KLHL24: variants seen among roughly 807,000 people sequenced by gnomAD.
The protein encoded by KLHL24 is kelch-like protein 24.
Under a neutral mutation model 53.4 loss-of-function variants are expected in KLHL24, and 29 were observed. The ratio of observed to expected loss-of-function variants is 0.54; its 90% CI spans 0.40 to 0.74. KLHL24 has a LOEUF of 0.74. KLHL24 is among the 30% of genes least tolerant of loss of function. The pLI is 0.00. For missense variants in KLHL24, 504 were observed against 744.0 expected (o/e 0.68, Z 3.75); for synonymous variants, 222 against 253.7 (o/e 0.88, Z 1.19).
At chr3:183,672,662 C>G (rs1721490237) in intron 7 of KLHL24, 178 bp downstream of exon 7, 2 of 378,024 alleles carry the variant, frequency 5.3e-6, no homozygotes, top group South Asian at 5.5e-5. Context: ...GTCAGGAGTT[C>G]AAGACCAGCC....
chr3:183,667,057 C>T (rs1302470647), intron 5 of KLHL24, among the ~76,000 whole-genome samples: 1 of 152,144 alleles, frequency 6.6e-6, no homozygotes, highest in Non-Finnish European at 1.5e-5. Flanking sequence ...GAAATGGTGA[C>T]CAGGAACCCT....
At chr3:183,642,020 C>T (rs1716524170) in intron 1 of KLHL24, among the ~76,000 whole-genome samples, 1 of 152,172 alleles carries the variant, frequency 6.6e-6, no homozygotes, top group South Asian at 2.1e-4. Flanking sequence ...GGCTCTATTC[C>T]AGTCTGCACC....
At chr3:183,653,006 C>T (rs1443949359) in intron 3 of KLHL24, among the ~76,000 whole-genome samples, 1 of 152,144 alleles carries the variant, frequency 6.6e-6, no homozygotes, top group African/African-American at 2.4e-5. Context: ...AATCAGATTG[C>T]AGCCTAAGGG....
rs1355950804 is a variant in KLHL24 at position 183,680,420 on chromosome 3, A to G, written c.*1134A>G. 1 of 152,218 alleles carries G rather than the reference A, an allele frequency of 6.6e-6. No individual in the cohort carries two copies. Among genetic ancestry groups the G allele is most frequent in the South Asian group, 2.1e-4 (1 of 4,834 alleles). The allele number at this position is 152,218 out of a possible 1,614,324, so 9.4% of individuals were successfully genotyped here. On this transcript the variant is annotated 3_prime_UTR_variant, in exon 8 of 8. Transcript: ENST00000242810. ...TCCCACTTTCTAGTGAACAGCTAAA[A>G]TTCCTGAGAGTCTCTACTGTTAAGG... is the stretch of plus-strand genomic sequence containing the variant.
intron 3 of KLHL24, among the ~76,000 whole-genome samples, chr3:183,655,600 G>C (rs1393148203): frequency 2.6e-5 from 4 of 152,020 alleles, no homozygotes; most frequent in Non-Finnish European, 5.9e-5. Flanking sequence ...CTGCATTCCA[G>C]CCTGGGTGGC....
intron 1 of KLHL24, among the ~76,000 whole-genome samples, chr3:183,636,853 G>T (rs1715339159): frequency 6.6e-6 from 1 of 152,058 alleles, no homozygotes; most frequent in Non-Finnish European, 1.5e-5. Context: ...CCCTGCTGCG[G>T]GCGGCTGGTA....
intron 7 of KLHL24, 79 bp from the exon 8 acceptor site, chr3:183,679,007 C>A: frequency 9.0e-7 from 1 of 1,115,246 alleles, no homozygotes; most frequent in South Asian, 1.3e-5. Flanking sequence ...TGTGCTAAAG[C>A]ATTATTTTGC....
chr3:183,684,480 A>T lies in KLHL24; in HGVS notation c.*5194A>T, dbSNP rs555088523. 3.3e-5 allele frequency: 5 copies of T among 152,696 alleles called. No individual in the cohort carries two copies. In the East Asian group the frequency reaches 9.6e-4, roughly 29 times the overall value. The allele number at this position is 152,696 out of a possible 1,614,324, so 9.5% of individuals were successfully genotyped here. A position where few individuals can be genotyped will look rare whatever the true frequency, so the allele number is the denominator to read the frequency against. On this transcript the variant is annotated 3_prime_UTR_variant, in exon 8 of 8. Coordinates refer to ENST00000242810, the MANE Select transcript of KLHL24 (RefSeq NM_017644.3). Reference sequence around the variant, plus strand: ...AATAAAATGTCTTTTAACCATTATTACTTGACTATATGGTTGTATTAAATT... The same window carrying T: ...AATAAAATGTCTTTTAACCATTATTTCTTGACTATATGGTTGTATTAAATT...
At chr3:183,658,111 G>A (rs1157007147) in intron 3 of KLHL24, among the ~76,000 whole-genome samples, 1 of 152,022 alleles carries the variant, frequency 6.6e-6, no homozygotes, top group African/African-American at 2.4e-5. Flanking sequence ...TACTTGGGAG[G>A]CTGAGGCTGG....
intron 2 of KLHL24, among the ~76,000 whole-genome samples, chr3:183,647,422 ATT>A (rs1717448070): frequency 2.7e-5 from 4 of 149,780 alleles, no homozygotes; most frequent in Admixed American, 2.7e-4. Context: ...CTCAAAAAAA[ATT>A]AAAAAATAAA....
rs779321552 is a variant in KLHL24, at chr3:183,665,059, AT to A, written c.1224+22del. ...GGTAAAGTAAGAGAAACCACTTTTT[AT>A]TACTATTGCTGGTACCTTTCCAAAG... is the stretch of plus-strand genomic sequence containing the variant. On this transcript the variant is annotated intron_variant, in intron 5 of 7. Transcript: ENST00000242810. 8.1e-7 allele frequency: 1 copy of A among 1,238,056 alleles called. No homozygotes were observed. The allele number at this position is 1,238,056 out of a possible 1,614,324, so 76.7% of individuals were successfully genotyped here.
In KLHL24 at chr3:183,679,534, G is replaced by T. The variant is rs1218669234; in HGVS notation, c.*248G>T. On this transcript the variant is annotated 3_prime_UTR_variant, in exon 8 of 8. Transcript: ENST00000242810. Reference sequence around the variant, plus strand: ...CTTGGCCTTTGAAGAGTGTACCTTTGTAAGTATTTGTAAGAAGTCTATGTG... The same window carrying T: ...CTTGGCCTTTGAAGAGTGTACCTTTTTAAGTATTTGTAAGAAGTCTATGTG... 6 of 418,746 alleles carry T rather than the reference G, an allele frequency of 1.4e-5. No individual in the cohort carries two copies. Among genetic ancestry groups the T allele is most frequent in the African/African-American group, 1.0e-4 (5 of 49,688 alleles). 25.9% of individuals were successfully genotyped at this position (418,746 alleles called of 1,614,324 possible).
intron 5 of KLHL24, among the ~76,000 whole-genome samples, chr3:183,665,822 T>C (rs993433296): frequency 2.0e-5 from 3 of 151,810 alleles, no homozygotes; most frequent in Non-Finnish European, 2.9e-5. Flanking sequence ...CTAATGATTA[T>C]TATAAACAAT....
intron 1 of KLHL24, chr3:183,636,508 C>A (rs994676041): frequency 2.3e-4 from 35 of 152,314 alleles, no homozygotes; most frequent in Admixed American, 1.7e-3. Context: ...CCGGCGCAGT[C>A]CCCGCCTAAC....
intron 2 of KLHL24, among the ~76,000 whole-genome samples, chr3:183,647,448 T>C (rs6767922): frequency 0.4 from 61,236 of 151,450 alleles, 15,572 homozygotes; most frequent in African/African-American, 0.73. Flanking sequence ...TGAAAAGGAT[T>C]ACGCCTGTAA....
Position 183,683,514 on chromosome 3 carries a change from A to G in KLHL24, c.*4228A>G, listed in dbSNP as rs568275140. On this transcript the variant is annotated 3_prime_UTR_variant, in exon 8 of 8. Transcript: ENST00000242810. Reference sequence around the variant, plus strand: ...AGGCAGTAGGTTTGACTAGCTAGCTATCATTATTGTCACATCTAATGCTAG... The same window carrying G: ...AGGCAGTAGGTTTGACTAGCTAGCTGTCATTATTGTCACATCTAATGCTAG... 3 of 152,766 alleles carry G rather than the reference A, an allele frequency of 2.0e-5. No homozygotes were observed. The highest frequency in any genetic ancestry group is 2.1e-4 in the South Asian group (1 of 4,832). 9.5% of individuals were successfully genotyped at this position (152,766 alleles called of 1,614,324 possible).
intron 1 of KLHL24, among the ~76,000 whole-genome samples, chr3:183,640,617 T>TTG (rs1716260068): frequency 6.7e-6 from 1 of 149,850 alleles, no homozygotes; most frequent in African/African-American, 2.4e-5. Context: ...TTTTTTTTTT[T>TTG]GAGACAGAGT....
chr3:183,662,221 A>C (rs1576942550), intron 3 of KLHL24, among the ~76,000 whole-genome samples: 1 of 152,288 alleles, frequency 6.6e-6, no homozygotes, highest in East Asian at 1.9e-4. Context: ...ATAACGGAAA[A>C]AGTATGCCTG....
chr3:183,679,448 A>G lies in KLHL24; in HGVS notation c.*162A>G. 6.6e-6 allele frequency: 4 copies of G among 602,980 alleles called. No individual in the cohort carries two copies. The highest frequency in any genetic ancestry group is 1.1e-5 in the Non-Finnish European group (4 of 349,944). 37.4% of individuals were successfully genotyped at this position (602,980 alleles called of 1,614,324 possible). A position where few individuals can be genotyped will look rare whatever the true frequency, so the allele number is the denominator to read the frequency against. On this transcript the variant is annotated 3_prime_UTR_variant, in exon 8 of 8. Transcript: ENST00000242810. ...CAAAATATCAATCTTTCAAACTATAATAAAGCCTTTCCTATAATTGAAAAA... is the reference window on the plus strand; with the variant it reads ...CAAAATATCAATCTTTCAAACTATAGTAAAGCCTTTCCTATAATTGAAAAA...
Sources: allele counts gnomAD v4.1 joint callset (sites outside exome capture counted in the v4.1 genomes callset), GRCh38; gene constraint gnomAD v4.1.1; transcripts MANE v1.5; gene names NCBI Gene and HGNC (gene_info 2026-07-23, HGNC 2026-07-21).